TNFSF4: variants seen among roughly 807,000 people sequenced by gnomAD.
The protein encoded by TNFSF4 is tumor necrosis factor ligand superfamily member 4.
Under a neutral mutation model 7.3 loss-of-function variants are expected in TNFSF4, and 4 were observed. That is an observed-to-expected ratio of 0.55 (90% CI 0.27 to 1.25). TNFSF4 has a LOEUF of 1.25. Among genes scored for constraint, TNFSF4 ranks in the 50% most tolerant of loss-of-function variants. The probability of loss-of-function intolerance (pLI) is 0.12; values close to 1 mark genes in which losing one functional copy is unlikely to be tolerated. For missense variants in TNFSF4, 181 were observed against 208.8 expected, an observed-to-expected ratio of 0.87 and a Z score of 0.82; for synonymous variants, 76 against 83.7, an observed-to-expected ratio of 0.91 and a Z score of 0.50.
chr1:173,380,775 C>T, the TNFSF4 span, among the ~76,000 whole-genome samples: 2 of 152,214 alleles, frequency 1.3e-5, no homozygotes, highest in African/African-American at 4.8e-5. Context: ...TCCAGCCACC[C>T]ACCGGAGCTA....
chr1:173,231,900 G>A, the TNFSF4 span, among the ~76,000 whole-genome samples: 1 of 151,946 alleles, frequency 6.6e-6, no homozygotes, highest in African/African-American at 2.4e-5. Context: ...ACTTTATAGT[G>A]TGATGCCTCC....
the TNFSF4 span, among the ~76,000 whole-genome samples, chr1:173,389,509 T>A: frequency 1.3e-5 from 2 of 152,030 alleles, no homozygotes; most frequent in African/African-American, 4.8e-5. Flanking sequence ...TATATGAGAG[T>A]TGCAGTGAAG....
chr1:173,412,216 T>C, the TNFSF4 span, among the ~76,000 whole-genome samples: 3 of 151,656 alleles, frequency 2.0e-5, no homozygotes, highest in Admixed American at 6.6e-5. Context: ...CAGCCACAAC[T>C]ATAGTAAATA....
the TNFSF4 span, among the ~76,000 whole-genome samples, chr1:173,349,510 G>A: frequency 6.6e-6 from 1 of 152,156 alleles, no homozygotes; most frequent in Admixed American, 6.5e-5. Context: ...TAACCTGTAA[G>A]GTAGACAGGC....
the TNFSF4 span, among the ~76,000 whole-genome samples, chr1:173,424,130 C>A: frequency 1.3e-5 from 2 of 152,220 alleles, no homozygotes; most frequent in African/African-American, 4.8e-5. Context: ...GGCCTGTCGT[C>A]TTAATACTAT....
the TNFSF4 span, among the ~76,000 whole-genome samples, chr1:173,403,227 C>A: frequency 6.6e-6 from 1 of 152,154 alleles, no homozygotes; most frequent in Non-Finnish European, 1.5e-5. Flanking sequence ...TTGAGTAACA[C>A]TCCAGACTAG....
At chr1:173,439,910 A>C in the TNFSF4 span, among the ~76,000 whole-genome samples, 1 of 152,232 alleles carries the variant, frequency 6.6e-6, no homozygotes, top group Non-Finnish European at 1.5e-5. Flanking sequence ...TCAAGTTTTA[A>C]TAACGTGGTT....
chr1:173,342,942 CCCTTAGTAGAGTCA>C, the TNFSF4 span, among the ~76,000 whole-genome samples: 1 of 152,132 alleles, frequency 6.6e-6, no homozygotes, highest in Non-Finnish European at 1.5e-5. Context: ...TGCTTCTTTC[CCCTTAGTAGAGTCA>C]GCACTCAGCA....
chr1:173,444,734 A>G, the TNFSF4 span, among the ~76,000 whole-genome samples: 1 of 152,164 alleles, frequency 6.6e-6, no homozygotes, highest in African/African-American at 2.4e-5. Context: ...TGGCTGGTAG[A>G]AGAGAAAGGG....
At chr1:173,205,487 CT>C in intron 1 of TNFSF4, 1 of 1,488,392 alleles carries the variant, frequency 6.7e-7, no homozygotes, top group Non-Finnish European at 8.9e-7. Context: ...TGTGGTTCAC[CT>C]TTTGCTCTCT....
rs1649131225 is a variant in TNFSF4, at chr1:173,184,297, G to T, written c.*2219C>A. ...TTCTTTTCCCACAAAACTCTGCCAT[G>T]TATATCGAAGGGTTAATTCTCCCTG... On this transcript the variant is annotated 3_prime_UTR_variant, in exon 3 of 3. Coordinates refer to ENST00000281834, the MANE Select transcript of TNFSF4 (RefSeq NM_003326.5). The T allele has an allele frequency of 6.6e-6, 1 of 152,212 alleles. No homozygotes were observed. The allele number at this position is 152,212 out of a possible 1,614,324, so 9.4% of individuals were successfully genotyped here. A position where few individuals can be genotyped will look rare whatever the true frequency, so the allele number is the denominator to read the frequency against.
At chr1:173,440,075 T>C in the TNFSF4 span, among the ~76,000 whole-genome samples, 1 of 152,180 alleles carries the variant, frequency 6.6e-6, no homozygotes, top group Non-Finnish European at 1.5e-5. Context: ...CCTTATTCTA[T>C]TGAAAGGATG....
the TNFSF4 span, among the ~76,000 whole-genome samples, chr1:173,389,535 A>G: frequency 1.3e-5 from 2 of 152,162 alleles, no homozygotes; most frequent in Non-Finnish European, 2.9e-5. Context: ...CCACATACAC[A>G]TATACAAAAA....
chr1:173,192,641 T>A (rs1472790186), intron 1 of TNFSF4, among the ~76,000 whole-genome samples: 5 of 152,190 alleles, frequency 3.3e-5, no homozygotes, highest in African/African-American at 1.2e-4. Flanking sequence ...GGTGAATACA[T>A]GTCATTATAT....
chr1:173,226,069 A>C, the TNFSF4 span, among the ~76,000 whole-genome samples: 3 of 152,236 alleles, frequency 2.0e-5, no homozygotes. Context: ...TAAAGAATGA[A>C]TCAGGTATTT....
At chr1:173,395,392 A>ATATATATATG in the TNFSF4 span, among the ~76,000 whole-genome samples, 2 of 93,232 alleles carry the variant, frequency 2.1e-5, no homozygotes, top group Non-Finnish European at 4.1e-5. Context: ...ATATATATAT[A>ATATATATATG]TATATATATA....
At chr1:173,173,618 A>C in the TNFSF4 span, among the ~76,000 whole-genome samples, 1 of 152,220 alleles carries the variant, frequency 6.6e-6, no homozygotes, top group African/African-American at 2.4e-5. Context: ...CCAAACCTTA[A>C]TTCTTGACTT....
chr1:173,189,451 G>A (rs1384824126), intron 1 of TNFSF4, among the ~76,000 whole-genome samples: 1 of 152,176 alleles, frequency 6.6e-6, no homozygotes, highest in Admixed American at 6.5e-5. Context: ...TATATTTGGT[G>A]TAGCTTTTTT....
chr1:173,353,589 T>C, the TNFSF4 span, among the ~76,000 whole-genome samples: 1 of 152,208 alleles, frequency 6.6e-6, no homozygotes, highest in Non-Finnish European at 1.5e-5. Flanking sequence ...TTTCATTTAA[T>C]AATAAAAGGA....
Sources: gnomAD v4.1 joint callset for allele counts (sites outside exome capture counted in the v4.1 genomes callset) on GRCh38, gnomAD v4.1.1 for gene constraint, MANE v1.5 for transcripts, NCBI Gene and HGNC (gene_info 2026-07-23, HGNC 2026-07-21) for gene names.